PPP2R5C: variants seen among roughly 807,000 people sequenced by gnomAD.
The protein encoded by PPP2R5C is protein phosphatase 2 regulatory subunit B'gamma, also known as serine/threonine-protein phosphatase 2A 56 kDa regulatory subunit gamma isoform.
PPP2R5C carries 7 observed loss-of-function variants against 68.9 expected under a neutral mutation model. That is an observed-to-expected ratio of 0.10 (90% CI 0.06 to 0.19). PPP2R5C has a LOEUF of 0.19. PPP2R5C is among the 10% of genes least tolerant of loss of function. The probability of loss-of-function intolerance (pLI) is 1.00; values close to 1 mark genes in which losing one functional copy is unlikely to be tolerated. For synonymous variants in PPP2R5C, 210 were observed against 222.2 expected (o/e 0.95, Z 0.49); for missense variants, 348 against 641.3 (o/e 0.54, Z 4.94).
chr14:101,774,659 T>G (rs904424424), intron 2 of PPP2R5C, among the ~76,000 whole-genome samples: 3 of 152,176 alleles, frequency 2.0e-5, no homozygotes, highest in Admixed American at 2.0e-4. Context: ...CCGCAAATCT[T>G]TTTATTACTG....
intron 1 of PPP2R5C, chr14:101,824,036 G>A: frequency 7.8e-7 from 1 of 1,289,142 alleles, no homozygotes; most frequent in South Asian, 1.2e-5. Context: ...CTTGTTCCGT[G>A]GCACAGCCCC....
chr14:101,902,375 G>A (rs1351176027), intron 9 of PPP2R5C, among the ~76,000 whole-genome samples: 1 of 152,190 alleles, frequency 6.6e-6, no homozygotes, highest in East Asian at 1.9e-4. Flanking sequence ...CTTGGTCAGA[G>A]CTACTTTCTA....
Position 101,818,682 on chromosome 14 carries a change from G to A in PPP2R5C, c.94+8646G>A, listed in dbSNP as rs999932137. ...ATATCTGTGGTTAATCTCAAATAGG[G>A]TGGCTTTCCGTGTCATTTCCCTTTA... On this transcript the variant is annotated intron_variant, in intron 1 of 13. Coordinates refer to ENST00000334743, the Ensembl canonical transcript of PPP2R5C. The A allele has an allele frequency of 4.5e-5, 10 of 222,716 alleles. No homozygotes were observed. The South Asian group carries it at 6.4e-4, about 14-fold the overall frequency. The allele number at this position is 222,716 out of a possible 1,614,324, so 13.8% of individuals were successfully genotyped here.
chr14:101,915,575 C>G lies in PPP2R5C; in HGVS notation c.1327-2256C>G, dbSNP rs904521410. 1.3e-5 allele frequency among the ~76,000 whole-genome samples: 2 copies of G among 152,192 alleles called. No individual in the cohort carries two copies. Among genetic ancestry groups the G allele is most frequent in the African/African-American group, 4.8e-5 (2 of 41,456 alleles). On this transcript the variant is annotated intron_variant, in intron 12 of 13. Transcript: ENST00000334743. This position sits in a 1 kb window ranked among gnomAD's most constrained non-coding sequence, Gnocchi z 4.2. ...AGCACTGCTTGTTGCCTGGAGTAGTCAAAAGCAGAAGAAGCGTTGGTGTGA... is the reference window on the plus strand; with the variant it reads ...AGCACTGCTTGTTGCCTGGAGTAGTGAAAAGCAGAAGAAGCGTTGGTGTGA...
chr14:101,776,801 C>G (rs1435816970), intron 2 of PPP2R5C, among the ~76,000 whole-genome samples: 2 of 152,128 alleles, frequency 1.3e-5, no homozygotes, highest in African/African-American at 4.8e-5. Context: ...CAATATTTGT[C>G]CTTCTGTGTC....
intron 1 of PPP2R5C, among the ~76,000 whole-genome samples, chr14:101,811,009 T>C (rs1465964627): frequency 1.3e-5 from 2 of 152,200 alleles, no homozygotes; most frequent in African/African-American, 4.8e-5. Flanking sequence ...GAATCTCTTT[T>C]AAGGAAGGGT....
chr14:101,821,568 T>C (rs1198166542), intron 1 of PPP2R5C, among the ~76,000 whole-genome samples: 1 of 151,970 alleles, frequency 6.6e-6, no homozygotes, highest in Non-Finnish European at 1.5e-5. Context: ...AAAATTGACA[T>C]GAGAGCAGTT....
At chr14:101,763,400 T>G (rs1382208155) in intron 2 of PPP2R5C, among the ~76,000 whole-genome samples, 4 of 151,680 alleles carry the variant, frequency 2.6e-5, no homozygotes, top group Non-Finnish European at 5.9e-5. Flanking sequence ...TTTTTTTTTT[T>G]TTAATAGAGT....
intron 2 of PPP2R5C, among the ~76,000 whole-genome samples, chr14:101,878,072 A>C (rs1051241315): frequency 2.0e-5 from 3 of 152,352 alleles, no homozygotes; most frequent in African/African-American, 7.2e-5. Context: ...TCTGGCTTGC[A>C]GACGGCCACT....
intron 2 of PPP2R5C, among the ~76,000 whole-genome samples, chr14:101,784,453 A>G (rs1435518943): frequency 6.6e-6 from 1 of 151,414 alleles, no homozygotes; most frequent in Non-Finnish European, 1.5e-5. Flanking sequence ...CCATCATGGC[A>G]GAAGGTGAAG....
intron 1 of PPP2R5C, among the ~76,000 whole-genome samples, chr14:101,829,891 T>C (rs1322840633): frequency 1.3e-5 from 2 of 152,166 alleles, no homozygotes; most frequent in East Asian, 3.9e-4. Flanking sequence ...TTTCGCAGTA[T>C]TGAAATGTTC....
chr14:101,769,852 G>T (rs1433678217), intron 2 of PPP2R5C, among the ~76,000 whole-genome samples: 1 of 152,092 alleles, frequency 6.6e-6, no homozygotes, highest in Non-Finnish European at 1.5e-5. Context: ...ACTTAATGAG[G>T]GGGTACGTTC....
intron 3 of PPP2R5C, among the ~76,000 whole-genome samples, chr14:101,801,530 G>T (rs912255364): frequency 1.3e-5 from 2 of 151,986 alleles, no homozygotes; most frequent in South Asian, 4.2e-4. Flanking sequence ...TAGGTATGTG[G>T]GATAATCCCT....
chr14:101,909,847 C>T (rs970994373), intron 11 of PPP2R5C, among the ~76,000 whole-genome samples, 157 bp downstream of exon 13: 7 of 152,152 alleles, frequency 4.6e-5, no homozygotes, highest in Admixed American at 1.3e-4. Context: ...GTTATAATAA[C>T]GTATTTTGAA....
intron 1 of PPP2R5C, among the ~76,000 whole-genome samples, chr14:101,815,200 A>C (rs1411057336): frequency 6.6e-6 from 1 of 152,168 alleles, no homozygotes; most frequent in Non-Finnish European, 1.5e-5. Context: ...GCCCAGGGCC[A>C]CAGAGAATGT....
intron 2 of PPP2R5C, chr14:101,766,639 G>A (rs1336639600): frequency 6.6e-6 from 1 of 152,122 alleles, no homozygotes; most frequent in Non-Finnish European, 1.5e-5. Flanking sequence ...ATTTTGACTT[G>A]TTGCTTCTGC....
intron 1 of PPP2R5C, among the ~76,000 whole-genome samples, chr14:101,816,193 G>A (rs1419588181): frequency 2.6e-5 from 4 of 152,220 alleles, no homozygotes; most frequent in Non-Finnish European, 4.4e-5. Context: ...TACACAAGGC[G>A]GCTGGTTGAA....
chr14:101,909,408 A>T (rs919740032), intron 10 of PPP2R5C, among the ~76,000 whole-genome samples, 181 bp from the exon 13 acceptor site: 1 of 152,200 alleles, frequency 6.6e-6, no homozygotes, highest in Non-Finnish European at 1.5e-5. Context: ...ACTGTGAAGA[A>T]AGTCTCGGGA....
intron 2 of PPP2R5C, among the ~76,000 whole-genome samples, chr14:101,772,841 C>T (rs1298709571): frequency 6.6e-6 from 1 of 152,164 alleles, no homozygotes; most frequent in Non-Finnish European, 1.5e-5. Context: ...AATCAAGGTT[C>T]TCCCTTCACC....
Sources: gnomAD v4.1 joint callset for allele counts (sites outside exome capture counted in the v4.1 genomes callset) on GRCh38, gnomAD v4.1.1 for gene constraint, Gnocchi (gnomAD v3.1) non-coding constraint, MANE v1.5 for transcripts, NCBI Gene and HGNC (gene_info 2026-07-23, HGNC 2026-07-21) for gene names.